Variants in MYO5A observed in about 807,000 individuals in gnomAD.
MYO5A encodes unconventional myosin-Va.
Under a neutral mutation model 249.7 loss-of-function variants are expected in MYO5A, and 98 were observed. The observed-to-expected ratio is 0.39, with a 90% CI of 0.33 to 0.46. The LOEUF is 0.46. MYO5A is among the 20% of genes least tolerant of loss of function. The probability of loss-of-function intolerance (pLI) is 0.98; values close to 1 mark genes in which losing one functional copy is unlikely to be tolerated. For synonymous variants in MYO5A, 778 were observed against 810.6 expected, an observed-to-expected ratio of 0.96 and a Z score of 0.68; for missense variants, 1,696 against 2,308.8, an observed-to-expected ratio of 0.73 and a Z score of 5.44.
intron 3 of MYO5A, 129 bp from the exon 4 acceptor site, chr15:52,426,103 T>G (rs1017921157): frequency 7.2e-6 from 6 of 837,098 alleles, no homozygotes; most frequent in Non-Finnish European, 1.1e-5. Context: ...ATTAAACCAA[T>G]AAATTGTTCA....
At chr15:52,398,717 G>T (rs1051266442) in intron 9 of MYO5A, among the ~76,000 whole-genome samples, 1 of 152,202 alleles carries the variant, frequency 6.6e-6, no homozygotes, top group East Asian at 1.9e-4. Flanking sequence ...GGCTGGGCGT[G>T]GTGGCTCACG....
intron 2 of MYO5A, among the ~76,000 whole-genome samples, chr15:52,432,102 ATAATAAATAAATGATTAAAG>A (rs2141303320): frequency 6.7e-6 from 1 of 150,334 alleles, no homozygotes; most frequent in Non-Finnish European, 1.5e-5. Context: ...CCATGAGCCC[ATAATAAATAAATGATTAAAG>A]TAATAAATAA....
intron 1 of MYO5A, among the ~76,000 whole-genome samples, chr15:52,459,165 T>TC: frequency 7.3e-6 from 1 of 137,722 alleles, no homozygotes. Flanking sequence ...TTTTTTTTTT[T>TC]TTTTTTTTTA....
At chr15:52,386,946 C>T (rs1247870062) in intron 14 of MYO5A, among the ~76,000 whole-genome samples, 1 of 152,102 alleles carries the variant, frequency 6.6e-6, no homozygotes, top group African/African-American at 2.4e-5. Context: ...CTAAAAACAA[C>T]AGTCAAAATA....
At chr15:52,403,687 A>G (rs755723220) in intron 9 of MYO5A, among the ~76,000 whole-genome samples, 39 of 152,244 alleles carry the variant, frequency 2.6e-4, no homozygotes, top group Non-Finnish European at 3.7e-4. Flanking sequence ...TTAAATGAGT[A>G]TGATATACGA....
At chr15:52,449,648 C>A (rs1041510487) in intron 1 of MYO5A, among the ~76,000 whole-genome samples, 11 of 152,160 alleles carry the variant, frequency 7.2e-5, no homozygotes, top group African/African-American at 2.7e-4. Flanking sequence ...CTATCTGTAA[C>A]TATTAGAATT....
intron 4 of MYO5A, among the ~76,000 whole-genome samples, chr15:52,420,711 T>C (rs879642578): frequency 2.0e-5 from 3 of 152,014 alleles, no homozygotes; most frequent in Non-Finnish European, 2.9e-5. Context: ...AGTGGGATAA[T>C]GAAGTATAAA....
chr15:52,522,881 A>T (rs1028312010), intron 1 of MYO5A, among the ~76,000 whole-genome samples: 11 of 152,134 alleles, frequency 7.2e-5, no homozygotes, highest in African/African-American at 2.7e-4. Flanking sequence ...AGGAAGATCT[A>T]AAATATGTGG....
At chr15:52,411,629 T>C (rs1410987547) in intron 5 of MYO5A, among the ~76,000 whole-genome samples, 1 of 152,152 alleles carries the variant, frequency 6.6e-6, no homozygotes, top group Non-Finnish European at 1.5e-5. Flanking sequence ...ATTAATATCT[T>C]TCACTTGTGT....
At chr15:52,379,780 C>T (rs2041636028) in intron 17 of MYO5A, 42 bp downstream of exon 17, 2 of 1,613,788 alleles carry the variant, frequency 1.2e-6, no homozygotes, top group African/African-American at 2.7e-5. Flanking sequence ...CTAGGATCTT[C>T]TCCCATTAGG....
intron 1 of MYO5A, among the ~76,000 whole-genome samples, chr15:52,498,155 AAATT>A (rs1303714352): frequency 7.2e-5 from 11 of 152,298 alleles, no homozygotes; most frequent in African/African-American, 1.9e-4. Context: ...ACAAAACCAA[AAATT>A]AATTATTTAA....
chr15:52,412,057 A>G (rs1291006101), intron 5 of MYO5A, among the ~76,000 whole-genome samples: 2 of 152,230 alleles, frequency 1.3e-5, no homozygotes, highest in Non-Finnish European at 2.9e-5. Context: ...AAGCAGATTA[A>G]TTATAAATGC....
chr15:52,524,590 T>TAAATAAAA (rs1555390787), intron 1 of MYO5A, among the ~76,000 whole-genome samples: 32 of 147,510 alleles, frequency 2.2e-4, no homozygotes, highest in Middle Eastern at 3.5e-3. Context: ...AATAAATAAA[T>TAAATAAAA]AAAATAGGCT....
rs532449576 is a variant in MYO5A at position 52,425,419 on chromosome 15, GC to G, written c.455+410del. Among the ~76,000 whole-genome samples, 1,134 of 152,218 alleles carry G rather than the reference GC, an allele frequency of 7.4e-3. 8 individuals are homozygous for G. Among genetic ancestry groups the G allele is most frequent in the Non-Finnish European group, 0.011 (753 of 68,006 alleles). On this transcript the variant is annotated intron_variant, in intron 4 of 41. Coordinates refer to ENST00000399233, the MANE Select transcript of MYO5A (RefSeq NM_001382347.1). ...CTGTGGCCCAGGTTGGAGTGCAGTG[GC>G]ACAATCTCGGCTCACTGCAACCTCT...
chr15:52,478,817 C>T (rs939726414), intron 1 of MYO5A, among the ~76,000 whole-genome samples: 1 of 152,124 alleles, frequency 6.6e-6, no homozygotes, highest in Non-Finnish European at 1.5e-5. Flanking sequence ...ATACTCACAA[C>T]CTTTTTAGCT....
At chr15:52,443,925 G>A (rs2075836949) in intron 1 of MYO5A, among the ~76,000 whole-genome samples, 1 of 152,024 alleles carries the variant, frequency 6.6e-6, no homozygotes. Context: ...GGAGGTTGCA[G>A]TGAGCCGAGA....
chr15:52,442,378 G>A (rs1249109978), intron 1 of MYO5A, among the ~76,000 whole-genome samples: 1 of 152,164 alleles, frequency 6.6e-6, no homozygotes, highest in Non-Finnish European at 1.5e-5. Flanking sequence ...AAAGGGGTGT[G>A]GAGTGCTGAA....
Position 52,442,074 on chromosome 15 carries a change from A to T in MYO5A, c.28-8789T>A, listed in dbSNP as rs367806593. Among the ~76,000 whole-genome samples, 5 of 152,196 alleles carry T rather than the reference A, an allele frequency of 3.3e-5. No homozygotes were observed. The East Asian group carries it at 5.8e-4, about 18-fold the overall frequency. ...AGGAAAAAGAGCTAGGCATGTGGGGAGCAGAGAAGTAATGAGAAATCCTTT... is the reference window on the plus strand; with the variant it reads ...AGGAAAAAGAGCTAGGCATGTGGGGTGCAGAGAAGTAATGAGAAATCCTTT... On this transcript the variant is annotated intron_variant, in intron 1 of 41. Coordinates refer to ENST00000399233, the MANE Select transcript of MYO5A (RefSeq NM_001382347.1).
chr15:52,513,738 A>G lies in MYO5A; in HGVS notation c.27+15042T>C, dbSNP rs371681353. On this transcript the variant is annotated intron_variant, in intron 1 of 41. Coordinates refer to ENST00000399233, the MANE Select transcript of MYO5A (RefSeq NM_001382347.1). The stretch of plus-strand genomic sequence containing the variant: ...GAGCCACTGCGCCCGGCCAAGAATA[A>G]GTTAATTCTATAGCCAATAACTAGG... 3.9e-5 allele frequency among the ~76,000 whole-genome samples: 6 copies of G among 152,244 alleles called. No homozygotes were observed. In the South Asian group the frequency reaches 6.2e-4, roughly 16 times the overall value.
Sources: gnomAD v4.1 joint callset for allele counts (sites outside exome capture counted in the v4.1 genomes callset) on GRCh38, gnomAD v4.1.1 for gene constraint, MANE v1.5 for transcripts, NCBI Gene and HGNC (gene_info 2026-07-23, HGNC 2026-07-21) for gene names.